The following LRP5 variants were observed in gnomAD, a reference collection of about 807,000 sequenced individuals.
The protein encoded by LRP5 is LDL receptor related protein 5.
Under a neutral mutation model 154.1 loss-of-function variants are expected in LRP5, and 62 were observed. The observed-to-expected ratio is 0.40, with a 90% CI of 0.33 to 0.50. The LOEUF (loss-of-function observed/expected upper bound fraction) is 0.50, where lower values mean the gene tolerates loss of function less well. LRP5 is among the 20% of genes least tolerant of loss of function. The probability of loss-of-function intolerance (pLI) is 0.55; values close to 1 mark genes in which losing one functional copy is unlikely to be tolerated. For synonymous variants in LRP5, 966 were observed against 1,011.5 expected (o/e 0.96, Z 0.85); for missense variants, 1,915 against 2,336.7 (o/e 0.82, Z 3.72).
upstream of LRP5, among the ~76,000 whole-genome samples, chr11:68,311,625 C>G (rs1591158672): frequency 6.6e-6 from 1 of 152,260 alleles, no homozygotes; most frequent in Admixed American, 6.5e-5. Context: ...TTCAGCCTGA[C>G]TCCAGCCTGG....
At chr11:68,407,392 G>C (rs1405937128) in intron 9 of LRP5, among the ~76,000 whole-genome samples, 1 of 151,100 alleles carries the variant, frequency 6.6e-6, no homozygotes, top group African/African-American at 2.4e-5. Context: ...GGCTGGTCTT[G>C]AACTCCTGAC....
chr11:68,442,265 A>C (rs747355189), intron 21 of LRP5, among the ~76,000 whole-genome samples: 12 of 152,204 alleles, frequency 7.9e-5, no homozygotes, highest in Admixed American at 5.2e-4. Context: ...CACCTTATTC[A>C]GATTGACATA....
chr11:68,344,120 C>A (rs2098610769), intron 1 of LRP5, among the ~76,000 whole-genome samples: 1 of 152,124 alleles, frequency 6.6e-6, no homozygotes, highest in South Asian at 2.1e-4. Flanking sequence ...AGGGGTGGAG[C>A]CTGGGTGGCC....
At position 68,425,143 on chromosome 11, in the gene LRP5, T is replaced by TCGAACGCG. The variant is rs1180979549; in HGVS notation, c.3280_3287dup (p.Ala1097AsnfsTer40). ...AACATGCAGGACCGGGCAGCCAAGATCGAACGCGCAGCCCTGGACGGCACC... is the reference window on the plus strand; with the variant it reads ...AACATGCAGGACCGGGCAGCCAAGATCGAACGCGCGAACGCGCAGCCCTGGACGGCACC... On this transcript the variant is annotated frameshift_variant, in exon 15 of 23. Coordinates refer to ENST00000294304, the MANE Select transcript of LRP5 (RefSeq NM_002335.4). LOFTEE classifies it high-confidence loss of function. The TCGAACGCG allele has an allele frequency of 6.2e-7, 1 of 1,613,516 alleles. No homozygotes were observed. Among genetic ancestry groups the TCGAACGCG allele is most frequent in the East Asian group, 2.2e-5 (1 of 44,872 alleles).
At chr11:68,400,800 C>G (rs1313775798) in intron 7 of LRP5, among the ~76,000 whole-genome samples, 1 of 152,112 alleles carries the variant, frequency 6.6e-6, no homozygotes, top group Non-Finnish European at 1.5e-5. Context: ...CCCGTAATCC[C>G]AGCACTTTGG....
intron 10 of LRP5, 70 bp downstream of exon 10, chr11:68,410,210 G>C: frequency 5.5e-6 from 7 of 1,275,376 alleles, no homozygotes; most frequent in Non-Finnish European, 7.9e-6. Flanking sequence ...TGCCAACTGG[G>C]CAAGGTGGCA....
Position 68,436,959 on chromosome 11 carries a change from C to T in LRP5, c.4071C>T (p.Ser1357=), listed in dbSNP as rs1224095385. ...TCCTCATCAAACAGCAGTGCGACTC[C>T]TTCCCCGACTGTATCGACGGCTCCG... ...QCVLIKQQCD[S]FPDCIDGSDE... The change falls in exon 19 of 23, where the codon TCC becomes TCT. Residue 1357 remains serine, a synonymous_variant. Coordinates refer to ENST00000294304, the MANE Select transcript of LRP5 (RefSeq NM_002335.4). 1 of 1,613,906 alleles carries T rather than the reference C, an allele frequency of 6.2e-7. No homozygotes were observed. The highest frequency in any genetic ancestry group is 2.2e-5 in the East Asian group (1 of 44,890).
chr11:68,313,898 C>T (rs567042414), intron 1 of LRP5, among the ~76,000 whole-genome samples: 1 of 152,274 alleles, frequency 6.6e-6, no homozygotes, highest in East Asian at 1.9e-4. Context: ...GTCAGATCCC[C>T]CAGGCTGCAG....
intron 7 of LRP5, among the ~76,000 whole-genome samples, chr11:68,398,959 A>G (rs1161717636): frequency 6.6e-6 from 1 of 151,272 alleles, no homozygotes; most frequent in Non-Finnish European, 1.5e-5. Context: ...CTTTTCTGGA[A>G]CTCCATCTTG....
At chr11:68,405,592 G>C (rs192476727) in intron 8 of LRP5, among the ~76,000 whole-genome samples, 1 of 152,284 alleles carries the variant, frequency 6.6e-6, no homozygotes, top group East Asian at 1.9e-4. Context: ...CTCCATGGGG[G>C]TGTGATTTAA....
chr11:68,376,640 G>C (rs2098637520), intron 5 of LRP5, among the ~76,000 whole-genome samples: 1 of 152,250 alleles, frequency 6.6e-6, no homozygotes, highest in Admixed American at 6.5e-5. Context: ...CCTTGCGGAG[G>C]GGCGCAGCCA....
intron 2 of LRP5, among the ~76,000 whole-genome samples, chr11:68,354,279 C>T (rs1018995032): frequency 3.3e-5 from 5 of 152,204 alleles, no homozygotes; most frequent in Non-Finnish European, 5.9e-5. Context: ...AGCACGTCCA[C>T]GCCAACCAGT....
In LRP5 at chr11:68,409,964, G is replaced by A. The variant is rs201973717; in HGVS notation, c.2142G>A (p.Glu714=). 93 of 1,613,950 alleles carry A rather than the reference G, an allele frequency of 5.8e-5. No homozygotes were observed. The highest frequency in any genetic ancestry group is 1.6e-4 in the Middle Eastern group (1 of 6,084). ...MNGSSVEHVV[E]FGLDYPEGMA... Reference sequence around the variant, plus strand: ...GGAGCTCGGTGGAGCACGTGGTGGAGTTTGGCCTTGACTACCCCGAGGGCA... The same window carrying A: ...GGAGCTCGGTGGAGCACGTGGTGGAATTTGGCCTTGACTACCCCGAGGGCA... The change falls in exon 10 of 23, where the codon GAG becomes GAA. Residue 714 remains glutamate (E), a synonymous_variant. Transcript: ENST00000294304.
At chr11:68,334,681 C>T (rs1033196721) in intron 1 of LRP5, among the ~76,000 whole-genome samples, 3 of 152,154 alleles carry the variant, frequency 2.0e-5, no homozygotes, top group South Asian at 2.1e-4. Context: ...TTGAGACCAG[C>T]GTGGCCAATG....
chr11:68,360,698 C>T (rs2098627097), intron 3 of LRP5, among the ~76,000 whole-genome samples: 1 of 152,208 alleles, frequency 6.6e-6, no homozygotes, highest in African/African-American at 2.4e-5. Flanking sequence ...GCTTCTCTCA[C>T]TGAAAAATGG....
chr11:68,371,978 G>A (rs775176506), intron 5 of LRP5, among the ~76,000 whole-genome samples: 11 of 152,276 alleles, frequency 7.2e-5, no homozygotes, highest in Non-Finnish European at 1.5e-4. Flanking sequence ...GTGAGGTCCA[G>A]TGTCCGGGGG....
intron 17 of LRP5, among the ~76,000 whole-genome samples, chr11:68,431,129 G>A (rs1175156778): frequency 2.0e-5 from 3 of 151,914 alleles, no homozygotes; most frequent in Non-Finnish European, 2.9e-5. Context: ...GGTGGCCTTG[G>A]ATCCTGTTGG....
chr11:68,410,530 G>C (rs1404543839), intron 10 of LRP5, among the ~76,000 whole-genome samples: 1 of 152,188 alleles, frequency 6.6e-6, no homozygotes, highest in Admixed American at 6.5e-5. Context: ...TCAGGCTCCT[G>C]ACCAGGTCTC....
intron 3 of LRP5, among the ~76,000 whole-genome samples, chr11:68,360,894 G>A (rs868202186): frequency 6.7e-6 from 1 of 150,056 alleles, no homozygotes; most frequent in Non-Finnish European, 1.5e-5. Flanking sequence ...CTACTCGGGA[G>A]GCTGAGGCAG....
Sources: gnomAD v4.1 joint callset for allele counts (sites outside exome capture counted in the v4.1 genomes callset) on GRCh38, gnomAD v4.1.1 for gene constraint, MANE v1.5 for transcripts, NCBI Gene and HGNC (gene_info 2026-07-23, HGNC 2026-07-21) for gene names.